The following ATP10D variants were observed in gnomAD, a reference collection of about 807,000 sequenced individuals.
ATP10D encodes the protein phospholipid-transporting ATPase VD.
Under a neutral mutation model 144.8 loss-of-function variants are expected in ATP10D, and 89 were observed. That is an observed-to-expected ratio of 0.61 (90% CI 0.52 to 0.73). The LOEUF (loss-of-function observed/expected upper bound fraction) is 0.73. Ranked by LOEUF, ATP10D falls within the 30% of genes least tolerant of loss-of-function variation. The probability of loss-of-function intolerance (pLI) is 0.00; values close to 1 mark genes in which losing one functional copy is unlikely to be tolerated. For missense variants in ATP10D, 1,603 were observed against 1,714.8 expected (o/e 0.93, Z 1.15); for synonymous variants, 571 against 615.1 (o/e 0.93, Z 1.06).
Position 47,535,619 on chromosome 4 carries a change from G to A in ATP10D, c.883+4G>A, listed in dbSNP as rs769803350. On this transcript the variant is annotated splice_donor_region_variant and intron_variant, in intron 6 of 22. Coordinates refer to ENST00000273859, the MANE Select transcript of ATP10D (RefSeq NM_020453.4). ...GTGGGCATTGTGGTTTATGCAGGTC[G>A]GTTATGTTTCTAATTTTCATTGTCT... The A allele has an allele frequency of 5.6e-6, 9 of 1,602,562 alleles. No homozygotes were observed. The East Asian group carries it at 6.7e-5, about 12-fold the overall frequency.
chr4:47,512,957 A>G, intron 2 of ATP10D, 127 bp downstream of exon 2: 1 of 934,624 alleles, frequency 1.1e-6, no homozygotes. Flanking sequence ...GACAATTTTG[A>G]TACAAATCTG....
intron 17 of ATP10D, 142 bp from the exon 18 acceptor site, chr4:47,572,730 A>C: frequency 9.3e-7 from 1 of 1,072,352 alleles, no homozygotes; most frequent in South Asian, 1.5e-5. Context: ...TAATCCAAAA[A>C]ACTGATTTTC....
rs1206501392 is a variant in ATP10D, at chr4:47,569,115, C to A, written c.3132C>A (p.Arg1044=). ...LQKSEVVKLV[R]SHLQVMTLAI... ...AAAGTGAAGTGGTGAAATTGGTCCG[C>A]AGCCATCTCCAGGTGATGACCCTTG... The change falls in exon 16 of 23, where the codon CGC becomes CGA. Residue 1044 remains arginine (R), a synonymous_variant. Coordinates refer to ENST00000273859, the MANE Select transcript of ATP10D (RefSeq NM_020453.4). 1.2e-6 allele frequency: 2 copies of A among 1,613,828 alleles called. No homozygotes were observed. Among genetic ancestry groups the A allele is most frequent in the East Asian group, 4.5e-5 (2 of 44,888 alleles).
rs993482092 is a variant in ATP10D, at chr4:47,572,902, C to T, written c.3271C>T (p.Gln1091Ter). 1.2e-6 allele frequency: 2 copies of T among 1,614,016 alleles called. No homozygotes were observed. The highest frequency in any genetic ancestry group is 1.3e-5 in the African/African-American group (1 of 74,910). Residue 1091 changes from glutamine to a stop codon, truncating the protein, a stop_gained, in exon 18 of 23, where the codon CAG becomes TAG. Coordinates refer to ENST00000273859, the MANE Select transcript of ATP10D (RefSeq NM_020453.4). LOFTEE classifies it high-confidence loss of function. ...GATGGCCAGTGACTTTGCCGTTTCT[C>T]AGTTCAAACATCTCAGCAAGCTCCT... ...AVMASDFAVS[Q>*]FKHLSKLLLV...
intron 3 of ATP10D, among the ~76,000 whole-genome samples, chr4:47,520,455 G>A (rs749638103): frequency 2.0e-5 from 3 of 151,902 alleles, no homozygotes; most frequent in Admixed American, 6.6e-5. Context: ...TGCCCAGTTC[G>A]CTCGTCTTTA....
At chr4:47,587,233 G>C in intron 22 of ATP10D, 27 bp downstream of exon 22, 1 of 1,571,708 alleles carries the variant, frequency 6.4e-7, no homozygotes, top group Non-Finnish European at 8.7e-7. Context: ...ATCATTGAGA[G>C]AATAAATGGA....
intron 10 of ATP10D, chr4:47,547,103 G>T (rs3924898): frequency 0.23 from 120,610 of 513,326 alleles, 14,790 homozygotes; most frequent in Admixed American, 0.32. Flanking sequence ...AAAAAAAAAG[G>T]AGAATATTTC....
intron 18 of ATP10D, among the ~76,000 whole-genome samples, chr4:47,575,300 G>A (rs1202645614): frequency 6.6e-6 from 1 of 152,048 alleles, no homozygotes; most frequent in African/African-American, 2.4e-5. Flanking sequence ...CTTTCCTGTG[G>A]CCTGCCCTCC....
In ATP10D at chr4:47,591,239, C is replaced by T. The variant is rs756160620; in HGVS notation, c.4139C>T (p.Ser1380Phe). 4.3e-6 allele frequency: 7 copies of T among 1,613,488 alleles called. No individual in the cohort carries two copies. The highest frequency in any genetic ancestry group is 1.7e-5 in the Admixed American group (1 of 59,946). Reference sequence around the variant, plus strand: ...GGAAGAAGACCCATGCCTGGCCCTTCTGCTGTATTTGCAATGAAGTCAGCA... The same window carrying T: ...GGAAGAAGACCCATGCCTGGCCCTTTTGCTGTATTTGCAATGAAGTCAGCA... ...KSGRRPMPGP[S>F]AVFAMKSASS... Residue 1380 changes from serine (S) to phenylalanine (F), a missense_variant, in exon 23 of 23, where the codon TCT becomes TTT. Ser to Phe is a radical substitution (Grantham distance 155). Transcript: ENST00000273859.
At position 47,492,711 on chromosome 4, in the gene ATP10D, C is replaced by T. The variant is rs1465244693; in HGVS notation, c.-38+7192C>T. Among the ~76,000 whole-genome samples, 3 of 152,104 alleles carry T rather than the reference C, an allele frequency of 2.0e-5. No homozygotes were observed. In the South Asian group the frequency reaches 6.2e-4, roughly 32 times the overall value. The stretch of plus-strand genomic sequence containing the variant: ...TTAATATTAATTCATCCACTAGCTT[C>T]CAAAAGAAAATCTTTAATACATTTT... On this transcript the variant is annotated intron_variant, in intron 1 of 22. Transcript: ENST00000273859.
At chr4:47,519,230 TGTCCCTTACCA>T (rs1275947650) in intron 3 of ATP10D, among the ~76,000 whole-genome samples, 1 of 152,236 alleles carries the variant, frequency 6.6e-6, no homozygotes, top group African/African-American at 2.4e-5. Flanking sequence ...TTCTCCCTTT[TGTCCCTTACCA>T]GCTCCCATCC....
At chr4:47,565,024 T>C (rs1334313361) in intron 15 of ATP10D, among the ~76,000 whole-genome samples, 23 of 152,250 alleles carry the variant, frequency 1.5e-4, no homozygotes, top group Admixed American at 1.4e-3. Flanking sequence ...TATGGCGCGA[T>C]CTCGGCTCAC....
In ATP10D at chr4:47,557,800, A is replaced by G; in HGVS notation, c.1961A>G (p.Asn654Ser). Residue 654 changes from asparagine to serine, a missense_variant, in exon 12 of 23, where the codon AAC becomes AGC. Asn to Ser is a conservative substitution (Grantham distance 46). Transcript: ENST00000273859. ...SGKEPSSGVP[N>S]AFVSRLPLFS... ...AAAGAGCCATCTTCTGGAGTTCCAAACGCCTTTGTGAGCAGACTCCCTCTC... is the reference window on the plus strand; with the variant it reads ...AAAGAGCCATCTTCTGGAGTTCCAAGCGCCTTTGTGAGCAGACTCCCTCTC... 6.2e-7 allele frequency: 1 copy of G among 1,614,096 alleles called. No individual in the cohort carries two copies. The highest frequency in any genetic ancestry group is 8.5e-7 in the Non-Finnish European group (1 of 1,180,000).
In ATP10D at chr4:47,591,452, C is replaced by T; in HGVS notation, c.*71C>T. 1.5e-6 allele frequency: 2 copies of T among 1,313,324 alleles called. No individual in the cohort carries two copies. Among genetic ancestry groups the T allele is most frequent in the East Asian group, 2.3e-5 (1 of 42,934 alleles). The allele number at this position is 1,313,324 out of a possible 1,614,324, so 81.4% of individuals were successfully genotyped here. ...GATTTTGAAGAGGTATCTCTCCAAG[C>T]AAGAATGACTTGTTTTTCCATAAGG... On this transcript the variant is annotated 3_prime_UTR_variant, in exon 23 of 23. Coordinates refer to ENST00000273859, the MANE Select transcript of ATP10D (RefSeq NM_020453.4).
At position 47,535,917 on chromosome 4, in the gene ATP10D, C is replaced by G; in HGVS notation, c.899C>G (p.Ala300Gly). Residue 300 changes from alanine (A) to glycine (G), a missense_variant, in exon 7 of 23, where the codon GCA (alanine) becomes GGA (glycine). Physicochemically the swap from Ala to Gly is moderately conservative, Grantham distance 60. Transcript: ENST00000273859. ...TCCTTCATAGGCCATGAAACCAAAG[C>G]AATGCTGAACAACAGTGGGCCACGG... ...IVVYAGHETK[A>G]MLNNSGPRYK... 6.2e-7 allele frequency: 1 copy of G among 1,612,430 alleles called. No homozygotes were observed. The highest frequency in any genetic ancestry group is 8.5e-7 in the Non-Finnish European group (1 of 1,179,122).
intron 1 of ATP10D, among the ~76,000 whole-genome samples, chr4:47,505,358 C>T (rs1715963826): frequency 6.6e-6 from 1 of 152,218 alleles, no homozygotes; most frequent in Non-Finnish European, 1.5e-5. Context: ...AGCATCAGTA[C>T]TATCTGCAAG....
chr4:47,501,577 T>C (rs1715682507), intron 1 of ATP10D, among the ~76,000 whole-genome samples: 1 of 152,202 alleles, frequency 6.6e-6, no homozygotes, highest in Admixed American at 6.5e-5. Flanking sequence ...CCAGCTCTTA[T>C]TCAAGTGTTA....
At chr4:47,509,901 G>GT (rs1406160667) in intron 1 of ATP10D, among the ~76,000 whole-genome samples, 2 of 151,778 alleles carry the variant, frequency 1.3e-5, no homozygotes, top group African/African-American at 4.8e-5. Flanking sequence ...TGCATTGCAG[G>GT]TGGTAAGGGT....
At chr4:47,486,323 A>T (rs1011770379) in intron 1 of ATP10D, among the ~76,000 whole-genome samples, 1 of 152,226 alleles carries the variant, frequency 6.6e-6, no homozygotes, top group African/African-American at 2.4e-5. Context: ...CAGGTTTTTA[A>T]AATGTGATCT....
Sources: allele counts gnomAD v4.1 joint callset (sites outside exome capture counted in the v4.1 genomes callset), GRCh38; gene constraint gnomAD v4.1.1; transcripts MANE v1.5; gene names NCBI Gene and HGNC (gene_info 2026-07-23, HGNC 2026-07-21).